Variants in CLCN7 observed in about 807,000 individuals in gnomAD.
CLCN7 encodes the protein Cl-/H+ antiporter 7.
A neutral mutation model predicts 102.1 loss-of-function variants in CLCN7; 60 were observed. That is an observed-to-expected ratio of 0.59 (90% confidence interval 0.48 to 0.73). CLCN7 has a LOEUF of 0.73. Ranked by LOEUF, CLCN7 falls within the 30% of genes least tolerant of loss-of-function variation. The pLI is 0.00. For synonymous variants in CLCN7, 560 were observed against 490.5 expected (o/e 1.14, Z -1.87); for missense variants, 962 against 1,125.7 (o/e 0.85, Z 2.08).
At chr16:1,447,271 GAC>G in intron 23 of CLCN7, 119 bp downstream of exon 23, 1 of 1,223,390 alleles carries the variant, frequency 8.2e-7, no homozygotes, top group East Asian at 2.6e-5. Flanking sequence ...CTTCACAGGA[GAC>G]AGAGTCACCG....
chr16:1,450,679 A>AGGGGCTGAC lies in CLCN7; in HGVS notation c.1448-22_1448-14dup. The AGGGGCTGAC allele has an allele frequency of 1.3e-6, 2 of 1,590,096 alleles. No homozygotes were observed. The highest frequency in any genetic ancestry group is 2.2e-5 in the South Asian group (2 of 89,420). On this transcript the variant is annotated splice_polypyrimidine_tract_variant and intron_variant, in intron 16 of 24. Coordinates refer to ENST00000382745, the MANE Select transcript of CLCN7 (RefSeq NM_001287.6). ...GGGTTGTAGGAGCCTAGGAGAGAAG[A>AGGGGCTGAC]GGGGCTGACGGGGCCTCCACGACTC...
Position 1,457,196 on chromosome 16 carries a change from G to GGTGCCC in CLCN7, c.822+52_822+57dup, listed in dbSNP as rs970553120. On this transcript the variant is annotated intron_variant, in intron 9 of 24. Coordinates refer to ENST00000382745, the MANE Select transcript of CLCN7 (RefSeq NM_001287.6). This position sits in a 1 kb window ranked among gnomAD's most constrained non-coding sequence, Gnocchi z 5.4. ...CTGAGGGAAGCCCATCTCCCTGAGT[G>GGTGCCC]GTGCCCGTGCCCGTGCCCATGGCAT... The GGTGCCC allele has an allele frequency of 6.8e-6, 10 of 1,467,358 alleles. No homozygotes were observed. The highest frequency in any genetic ancestry group is 1.7e-5 in the Admixed American group (1 of 59,788). 90.9% of individuals were successfully genotyped at this position (1,467,358 alleles called of 1,614,324 possible). A position where few individuals can be genotyped will look rare whatever the true frequency, so the allele number is the denominator to read the frequency against.
intron 1 of CLCN7, among the ~76,000 whole-genome samples, chr16:1,471,263 C>T (rs374212473): frequency 6.6e-5 from 10 of 152,124 alleles, no homozygotes; most frequent in African/African-American, 1.9e-4. Flanking sequence ...GAGGTGGCAA[C>T]GACACCACCA....
chr16:1,448,165 C>T, intron 21 of CLCN7, 190 bp downstream of exon 21: 1 of 802,292 alleles, frequency 1.2e-6, no homozygotes, highest in Non-Finnish European at 2.0e-6. Flanking sequence ...TGCCAGGCCG[C>T]AGCCCCCCCC....
chr16:1,451,535 C>A (rs961747422), intron 16 of CLCN7, 88 bp downstream of exon 16: 2 of 1,138,718 alleles, frequency 1.8e-6, no homozygotes, highest in Non-Finnish European at 2.6e-6. Flanking sequence ...CCCAGGGCTG[C>A]AACCTCAGCC....
At chr16:1,468,323 G>C (rs1046375093) in intron 1 of CLCN7, among the ~76,000 whole-genome samples, 8 of 152,330 alleles carry the variant, frequency 5.3e-5, no homozygotes, top group African/African-American at 1.9e-4. Context: ...GGGGTGAGGG[G>C]TTGCCCCCCA....
rs1161063400 is a variant in CLCN7 at position 1,461,629 on chromosome 16, C to T, written c.259G>A (p.Glu87Lys). ...HPFPKEIPHN[E>K]KLLSLKYESL... The stretch of plus-strand genomic sequence containing the variant: ...TCATACTTGAGGGACAGGAGCTTCT[C>T]GTTGTGTGGGATCTCCTTGGGGAAG... The change falls in exon 3 of 25, where the codon GAG becomes AAG. Residue 87 changes from glutamate to lysine, a missense_variant. Around this residue, in one of 2 missense-constraint regions of CLCN7, gnomAD observed 163 missense variants for 137.7 expected, o/e 1.18. Transcript: ENST00000382745. 3 of 1,614,022 alleles carry T rather than the reference C, an allele frequency of 1.9e-6. No individual in the cohort carries two copies. Among genetic ancestry groups the T allele is most frequent in the Admixed American group, 1.7e-5 (1 of 60,024 alleles).
At chr16:1,464,505 G>A (rs1166363856) in intron 2 of CLCN7, among the ~76,000 whole-genome samples, 1 of 152,382 alleles carries the variant, frequency 6.6e-6, no homozygotes, top group African/African-American at 2.4e-5. Flanking sequence ...CGGAAGAGGC[G>A]CTGCTGGCTG....
Position 1,452,793 on chromosome 16 carries a change from G to C in CLCN7, c.1315C>G (p.Gln439Glu). 2 of 1,605,862 alleles carry C rather than the reference G, an allele frequency of 1.2e-6. No individual in the cohort carries two copies. The highest frequency in any genetic ancestry group is 1.7e-6 in the Non-Finnish European group (2 of 1,176,770). The change falls in exon 15 of 25, where the codon CAG becomes GAG. Residue 439 changes from glutamine (Q) to glutamate (E), a missense_variant. By Grantham distance (29) the Gln-to-Glu change is conservative. Transcript: ENST00000382745. ...GACATGGAGCCCCCCTGCAGGGGCT[G>C]GCAATCCCGCGACGAGTAGATCAGC... ...FVLIYSSRDCQPLQGGSMSYP... is the reference protein window; with the variant it reads ...FVLIYSSRDCEPLQGGSMSYP...
chr16:1,462,849 A>G (rs1396696110), intron 2 of CLCN7, among the ~76,000 whole-genome samples: 1 of 152,098 alleles, frequency 6.6e-6, no homozygotes, highest in Non-Finnish European at 1.5e-5. Context: ...TGCTGGTACA[A>G]CTGGATTTCC....
chr16:1,474,433 A>G, intron 1 of CLCN7: 1 of 340,718 alleles, frequency 2.9e-6, no homozygotes, highest in Admixed American at 4.2e-5. Flanking sequence ...CGCAAACAAA[A>G]TTAGTTGCTC....
At chr16:1,474,509 C>A (rs1485249698) in intron 1 of CLCN7, 1 of 320,352 alleles carries the variant, frequency 3.1e-6, no homozygotes, top group Non-Finnish European at 5.9e-6. Flanking sequence ...TAGGGCCAGT[C>A]TGGGGGACAC....
At chr16:1,451,221 T>C (rs556963781) in intron 16 of CLCN7, among the ~76,000 whole-genome samples, 7 of 152,256 alleles carry the variant, frequency 4.6e-5, no homozygotes, top group African/African-American at 1.7e-4. Flanking sequence ...TTTCTTTTGT[T>C]TTTTGAGAGA....
At position 1,447,673 on chromosome 16, in the gene CLCN7, G is replaced by A. The variant is rs1261519602; in HGVS notation, c.2055C>T (p.Ile685=). The A allele has an allele frequency of 1.2e-5, 19 of 1,558,128 alleles. No homozygotes were observed. Among genetic ancestry groups the A allele is most frequent in the African/African-American group, 6.8e-5 (5 of 73,418 alleles). ...LQGLILRSQL[I]VLLKHKVFVE... is the part of the protein sequence containing the mutation. ...CACGCACCTTGTGCTTTAGGAGAAC[G>A]ATGAGCTGGGAGCGCAGGATCAGGC... The change falls in exon 22 of 25, where the codon ATC becomes ATT. Residue 685 remains isoleucine (I), a synonymous_variant. Coordinates refer to ENST00000382745, the MANE Select transcript of CLCN7 (RefSeq NM_001287.6).
intron 18 of CLCN7, 53 bp downstream of exon 18, chr16:1,449,223 C>A (rs1402473033): frequency 1.3e-6 from 2 of 1,566,232 alleles, no homozygotes; most frequent in African/African-American, 1.4e-5. Context: ...CAGCCATGGC[C>A]CCCTCCAGAC....
intron 15 of CLCN7, chr16:1,452,030 TGG>T: frequency 2.6e-6 from 1 of 384,162 alleles, no homozygotes; most frequent in Non-Finnish European, 5.0e-6. Context: ...CCGGGGAAGG[TGG>T]GCCCAGGCGC....
intron 15 of CLCN7, chr16:1,451,970 G>C (rs540894487): frequency 4.6e-5 from 22 of 483,224 alleles, no homozygotes; most frequent in South Asian, 2.0e-4. Flanking sequence ...GTCTAGCCCT[G>C]GGGGGTGGGT....
Position 1,455,121 on chromosome 16 carries a change from T to G in CLCN7, c.1098+13A>C. On this transcript the variant is annotated intron_variant, in intron 12 of 24. Transcript: ENST00000382745. Reference sequence around the variant, plus strand: ...GATACGAGGTGGGCGAGGTGGGCGATGGGGCAGGTTACCTCCGAGTCAAAC... The same window carrying G: ...GATACGAGGTGGGCGAGGTGGGCGAGGGGGCAGGTTACCTCCGAGTCAAAC... 6.8e-7 allele frequency: 1 copy of G among 1,476,462 alleles called. No individual in the cohort carries two copies. The highest frequency in any genetic ancestry group is 1.1e-5 in the South Asian group (1 of 88,384). 91.5% of individuals were successfully genotyped at this position (1,476,462 alleles called of 1,614,324 possible).
In CLCN7 at chr16:1,474,958, T is replaced by C; in HGVS notation, c.17A>G (p.Lys6Arg). MANVS[K>R]KVSWSGRDRD... ...GTCCCGGCCGGACCAGGACACCTTC[T>C]TAGAGACGTTGGCCATGGCCCGCCG... The change falls in exon 1 of 25, where the codon AAG becomes AGG. Residue 6 changes from lysine (K) to arginine (R), a missense_variant. Physicochemically the swap from Lys to Arg is conservative, Grantham distance 26. Coordinates refer to ENST00000382745, the MANE Select transcript of CLCN7 (RefSeq NM_001287.6). 6.7e-7 allele frequency: 1 copy of C among 1,488,546 alleles called. No homozygotes were observed. Among genetic ancestry groups the C allele is most frequent in the Non-Finnish European group, 8.9e-7 (1 of 1,123,756 alleles). 92.2% of individuals were successfully genotyped at this position (1,488,546 alleles called of 1,614,324 possible).
Sources: allele counts gnomAD v4.1 joint callset (sites outside exome capture counted in the v4.1 genomes callset), GRCh38; gene constraint gnomAD v4.1.1; regional missense constraint gnomAD v4.1.1; non-coding constraint Gnocchi (gnomAD v3.1); transcripts MANE v1.5; gene names NCBI Gene and HGNC (gene_info 2026-07-23, HGNC 2026-07-21).